The following PRICKLE2 variants were observed in gnomAD, a reference collection of about 807,000 sequenced individuals.
The protein encoded by PRICKLE2 is prickle-like protein 2.
Under a neutral mutation model 81.4 loss-of-function variants are expected in PRICKLE2, and 21 were observed. That is an observed-to-expected ratio of 0.26 (90% CI 0.18 to 0.37). PRICKLE2 has a LOEUF of 0.37. PRICKLE2 is among the 10% of genes least tolerant of loss of function. The pLI, the probability that PRICKLE2 is intolerant of heterozygous loss-of-function variation, is 1.00. For synonymous variants in PRICKLE2, 456 were observed against 421.5 expected (o/e 1.08, Z -1.00); for missense variants, 940 against 1,109.0 (o/e 0.85, Z 2.16).
intron 7 of PRICKLE2, among the ~76,000 whole-genome samples, chr3:64,118,865 TAAA>T (rs879489854): frequency 0.87 from 131,964 of 151,966 alleles, 57,400 homozygotes; most frequent in East Asian, 1. Context: ...ACCCAGCAAA[TAAA>T]TATTATATCC....
Position 64,262,484 on chromosome 3 carries a change from G to T in PRICKLE2, c.129-63517C>A, listed in dbSNP as rs6778722. On this transcript the variant is annotated intron_variant, in intron 2 of 8. Transcript: ENST00000295902. ...GTGTATCTAAGTCTGGAGCTCAGGA[G>T]AGAGGTCCAGGCTGGAGATGTGACT... 5.6e-3 allele frequency among the ~76,000 whole-genome samples: 848 copies of T among 152,170 alleles called. 8 individuals are homozygous for T. Among genetic ancestry groups the T allele is most frequent in the African/African-American group, 0.019 (797 of 41,518 alleles).
chr3:64,253,621 A>G (rs2079481554), intron 2 of PRICKLE2, among the ~76,000 whole-genome samples: 1 of 152,236 alleles, frequency 6.6e-6, no homozygotes, highest in Non-Finnish European at 1.5e-5. Context: ...TACCTTCGAC[A>G]TGCCTTATTT....
At chr3:64,205,684 G>T (rs138104449) in intron 1 of PRICKLE2, among the ~76,000 whole-genome samples, 1 of 152,062 alleles carries the variant, frequency 6.6e-6, no homozygotes, top group African/African-American at 2.4e-5. Context: ...GATTCGAATG[G>T]GATTGCAAAC....
In PRICKLE2 at chr3:64,098,744, C is replaced by T; in HGVS notation, c.*307G>A. 2 of 388,960 alleles carry T rather than the reference C, an allele frequency of 5.1e-6. No homozygotes were observed. The highest frequency in any genetic ancestry group is 5.7e-5 in the South Asian group (2 of 35,006). The allele number at this position is 388,960 out of a possible 1,614,324, so 24.1% of individuals were successfully genotyped here. ...GAGAACCAGAGAGGATAAAAGCGAGCAGGAAACAATTTACCATCTTGAGAG... is the reference window on the plus strand; with the variant it reads ...GAGAACCAGAGAGGATAAAAGCGAGTAGGAAACAATTTACCATCTTGAGAG... On this transcript the variant is annotated 3_prime_UTR_variant, in exon 8 of 8. Coordinates refer to ENST00000638394, the MANE Select transcript of PRICKLE2 (RefSeq NM_198859.4).
intron 7 of PRICKLE2, among the ~76,000 whole-genome samples, chr3:64,112,013 C>T (rs1256994733): frequency 1.3e-5 from 2 of 152,188 alleles, no homozygotes; most frequent in Admixed American, 6.5e-5. Context: ...AACACACACA[C>T]ACTTCCTCAA....
At chr3:64,160,299 G>T (rs903171574) in intron 3 of PRICKLE2, among the ~76,000 whole-genome samples, 7 of 152,202 alleles carry the variant, frequency 4.6e-5, no homozygotes, top group African/African-American at 1.7e-4. Flanking sequence ...CAAAGGCTCT[G>T]AATTCTGGAT....
At chr3:64,151,031 C>T (rs185254035) in intron 6 of PRICKLE2, among the ~76,000 whole-genome samples, 161 of 152,322 alleles carry the variant, frequency 1.1e-3, no homozygotes, top group African/African-American at 3.8e-3. Flanking sequence ...TCTACTGCTG[C>T]CACAGCCTCG....
intron 7 of PRICKLE2, among the ~76,000 whole-genome samples, chr3:64,107,347 T>G (rs963070789): frequency 6.6e-6 from 1 of 152,076 alleles, no homozygotes; most frequent in Admixed American, 6.5e-5. Flanking sequence ...ATGCTCAAGG[T>G]CTGATGGAAC....
At chr3:64,113,231 C>T (rs1575550248) in intron 7 of PRICKLE2, among the ~76,000 whole-genome samples, 2 of 152,316 alleles carry the variant, frequency 1.3e-5, no homozygotes, top group South Asian at 4.1e-4. Context: ...TGCAGTGCAG[C>T]ACGGGCAGGG....
intron 2 of PRICKLE2, among the ~76,000 whole-genome samples, chr3:64,176,437 A>G (rs1002646654): frequency 2.0e-5 from 3 of 152,134 alleles, no homozygotes; most frequent in Non-Finnish European, 4.4e-5. Context: ...ACCCTCCTCT[A>G]TTACTATTAG....
intron 2 of PRICKLE2, among the ~76,000 whole-genome samples, chr3:64,188,821 T>G (rs1412867764): frequency 2.0e-5 from 3 of 152,232 alleles, no homozygotes; most frequent in Admixed American, 6.5e-5. Flanking sequence ...GTTGGGTATT[T>G]GCCACTGAGA....
At chr3:64,197,199 T>G (rs1291213969) in intron 2 of PRICKLE2, among the ~76,000 whole-genome samples, 1 of 152,204 alleles carries the variant, frequency 6.6e-6, no homozygotes, top group East Asian at 1.9e-4. Flanking sequence ...TTTACTATTA[T>G]GAATAGTGCT....
chr3:64,252,827 T>C (rs2079467934), intron 2 of PRICKLE2, among the ~76,000 whole-genome samples: 1 of 152,220 alleles, frequency 6.6e-6, no homozygotes, highest in African/African-American at 2.4e-5. Context: ...TTAGGCTTTG[T>C]GGGCCATATA....
intron 2 of PRICKLE2, among the ~76,000 whole-genome samples, chr3:64,261,096 A>G (rs912244936): frequency 2.2e-4 from 34 of 152,296 alleles, no homozygotes; most frequent in Middle Eastern, 6.8e-3. Context: ...TCTCACTCCA[A>G]GGGGTTTACA....
chr3:64,175,473 C>T (rs1193571893), intron 2 of PRICKLE2, among the ~76,000 whole-genome samples: 1 of 152,138 alleles, frequency 6.6e-6, no homozygotes, highest in Non-Finnish European at 1.5e-5. Flanking sequence ...GAATATTTGT[C>T]TACACCAAAG....
chr3:64,143,366 C>G (rs2107008574), intron 7 of PRICKLE2, among the ~76,000 whole-genome samples: 1 of 152,114 alleles, frequency 6.6e-6, no homozygotes, highest in South Asian at 2.1e-4. Flanking sequence ...GGGTTGCTTC[C>G]CAAAAATCTG....
At chr3:64,238,227 C>T (rs560592875) in intron 2 of PRICKLE2, among the ~76,000 whole-genome samples, 1 of 152,188 alleles carries the variant, frequency 6.6e-6, no homozygotes, top group African/African-American at 2.4e-5. Context: ...TGGCTCACAC[C>T]CGTAATCCCA....
rs1575524116 is a variant in PRICKLE2, at chr3:64,093,454, CACT to C, written c.*5594_*5596del. Reference sequence around the variant, plus strand: ...GGAACTGCCATACTGTTTTCCACAGCACTACATCATTTTACATTCCCACCAACA... The same window carrying C: ...GGAACTGCCATACTGTTTTCCACAGCACATCATTTTACATTCCCACCAACA... On this transcript the variant is annotated 3_prime_UTR_variant, in exon 8 of 8. Coordinates refer to ENST00000638394, the MANE Select transcript of PRICKLE2 (RefSeq NM_198859.4). 1.3e-5 allele frequency: 2 copies of C among 152,252 alleles called. No individual in the cohort carries two copies. The highest frequency in any genetic ancestry group is 4.2e-4 in the South Asian group (2 of 4,818). 9.4% of individuals were successfully genotyped at this position (152,252 alleles called of 1,614,324 possible).
chr3:64,126,979 G>T (rs2077118348), intron 7 of PRICKLE2, among the ~76,000 whole-genome samples: 2 of 152,170 alleles, frequency 1.3e-5, no homozygotes, highest in African/African-American at 4.8e-5. Flanking sequence ...CATTTGTCAG[G>T]TTTATCAAAT....
Sources: gnomAD v4.1 joint callset for allele counts (sites outside exome capture counted in the v4.1 genomes callset) on GRCh38, gnomAD v4.1.1 for gene constraint, MANE v1.5 for transcripts, NCBI Gene and HGNC (gene_info 2026-07-23, HGNC 2026-07-21) for gene names.